Variants in ANKS6 observed in about 807,000 individuals in gnomAD.
ANKS6 encodes ankyrin repeat and SAM domain-containing protein 6.
A neutral mutation model predicts 77.9 loss-of-function variants in ANKS6; 47 were observed. The observed-to-expected ratio is 0.60, with a 90% CI of 0.48 to 0.77. The LOEUF is 0.77. Ranked by LOEUF, ANKS6 falls within the 30% of genes least tolerant of loss-of-function variation. The probability of loss-of-function intolerance (pLI) is 0.00; values close to 1 mark genes in which losing one functional copy is unlikely to be tolerated. For synonymous variants in ANKS6, 488 were observed against 501.7 expected, an observed-to-expected ratio of 0.97 and a Z score of 0.37; for missense variants, 1,150 against 1,159.1, an observed-to-expected ratio of 0.99 and a Z score of 0.11.
intron 11 of ANKS6, among the ~76,000 whole-genome samples, chr9:98,758,318 A>T (rs75785881): frequency 1.3e-3 from 134 of 101,648 alleles, no homozygotes; most frequent in Middle Eastern, 5.1e-3. Context: ...GACATGCGCC[A>T]TCTTTCTTTT....
chr9:98,758,683 T>C (rs1398622244), intron 11 of ANKS6, among the ~76,000 whole-genome samples: 1 of 152,256 alleles, frequency 6.6e-6, no homozygotes, highest in Non-Finnish European at 1.5e-5. Context: ...TTCATACCGA[T>C]ACCTCTGACT....
intron 2 of ANKS6, 108 bp downstream of exon 2, chr9:98,789,996 G>A: frequency 1.4e-6 from 2 of 1,439,658 alleles, no homozygotes; most frequent in Non-Finnish European, 9.3e-7. Context: ...GGTCTGCAGG[G>A]CTGGACTCTG....
At chr9:98,778,554 G>T in intron 6 of ANKS6, 130 bp from the exon 7 acceptor site, 1 of 780,682 alleles carries the variant, frequency 1.3e-6, no homozygotes, top group Non-Finnish European at 2.1e-6. Flanking sequence ...GGCCCAGACA[G>T]ACATTACTGA....
Position 98,784,748 on chromosome 9 carries a change from C to A in ANKS6, c.907+84G>T, listed in dbSNP as rs902291825. The A allele has an allele frequency of 1.1e-5, 14 of 1,270,920 alleles. No homozygotes were observed. In the East Asian group the frequency reaches 3.3e-4, roughly 30 times the overall value. The allele number at this position is 1,270,920 out of a possible 1,614,324, so 78.7% of individuals were successfully genotyped here. A position where few individuals can be genotyped will look rare whatever the true frequency, so the allele number is the denominator to read the frequency against. ...TTTCTTTCTCAAATACCCTGGGTGGCCCTGCAAAGGACTACAAATATTAGG... is the reference window on the plus strand; with the variant it reads ...TTTCTTTCTCAAATACCCTGGGTGGACCTGCAAAGGACTACAAATATTAGG... On this transcript the variant is annotated intron_variant, in intron 3 of 14. Coordinates refer to ENST00000353234, the MANE Select transcript of ANKS6 (RefSeq NM_173551.5).
rs754954186 is a variant in ANKS6 at position 98,773,965 on chromosome 9, C to T, written c.1733G>A (p.Arg578His). 31 of 1,600,566 alleles carry T rather than the reference C, an allele frequency of 1.9e-5. No homozygotes were observed. Among genetic ancestry groups the T allele is most frequent in the Admixed American group, 6.8e-5 (4 of 58,704 alleles). ...ELWSSDRSRT[R>H]HNGKADPMKT... ...CATGGGGTCTGCCTTCCCGTTGTGA[C>T]GCGTCCGGGACCGATCAGAGCTCCA... Residue 578 changes from arginine to histidine, a missense_variant, in exon 9 of 15, where the codon CGT becomes CAT. Physicochemically the swap from Arg to His is conservative, Grantham distance 29. Coordinates refer to ENST00000353234, the MANE Select transcript of ANKS6 (RefSeq NM_173551.5).
chr9:98,768,363 C>G (rs1833422296), intron 10 of ANKS6, 113 bp from the exon 11 acceptor site: 1 of 1,307,738 alleles, frequency 7.6e-7, no homozygotes, highest in African/African-American at 1.4e-5. Context: ...AGACTCCCTT[C>G]CCCATGTGGC....
At chr9:98,752,216 C>T (rs993381767) in intron 12 of ANKS6, among the ~76,000 whole-genome samples, 10 of 152,112 alleles carry the variant, frequency 6.6e-5, no homozygotes, top group Non-Finnish European at 1.0e-4. Context: ...AAGATGGTCA[C>T]GGAAAGACTC....
chr9:98,768,219 G>C lies in ANKS6; in HGVS notation c.2004C>G (p.Ile668Met). The change falls in exon 11 of 15, where the codon ATC becomes ATG. Residue 668 changes from isoleucine to methionine, a missense_variant. Ile to Met is a conservative substitution (Grantham distance 10). Coordinates refer to ENST00000353234, the MANE Select transcript of ANKS6 (RefSeq NM_173551.5). The part of the protein sequence containing the change: ...GGSIDNVLSQ[I>M]AAQRKKAAGL... ...CGGCTGCTTTTTTCCTCTGGGCAGCGATTTGGGACAAGACATTGTCTATGC... is the reference window on the plus strand; with the variant it reads ...CGGCTGCTTTTTTCCTCTGGGCAGCCATTTGGGACAAGACATTGTCTATGC... The C allele has an allele frequency of 1.2e-6, 2 of 1,614,120 alleles. No homozygotes were observed. The highest frequency in any genetic ancestry group is 1.7e-5 in the Admixed American group (1 of 60,022).
chr9:98,771,523 C>T (rs967367542), intron 9 of ANKS6, among the ~76,000 whole-genome samples: 1 of 152,156 alleles, frequency 6.6e-6, no homozygotes, highest in South Asian at 2.1e-4. Flanking sequence ...CTTTCCTGGC[C>T]CCATTGTCCC....
At chr9:98,763,905 T>C (rs1287663460) in intron 11 of ANKS6, among the ~76,000 whole-genome samples, 1 of 152,054 alleles carries the variant, frequency 6.6e-6, no homozygotes, top group African/African-American at 2.4e-5. Context: ...AGATACAAAG[T>C]ACAAAAACTC....
rs575021016 is a variant in ANKS6, at chr9:98,751,114, GA to G, written c.2327-19del. On this transcript the variant is annotated intron_variant, in intron 12 of 14. Coordinates refer to ENST00000353234, the MANE Select transcript of ANKS6 (RefSeq NM_173551.5). ...CAGTTCATCTTCAAGATGGAAAGGT[GA>G]AAAAAAAACAACACATTTTAGAATT... 6.9e-3 allele frequency: 10,709 copies of G among 1,542,004 alleles called. 64 individuals carry two copies. The highest frequency in any genetic ancestry group is 0.022 in the South Asian group (1,857 of 83,314).
In ANKS6 at chr9:98,734,693, G is replaced by A. The variant is rs187652772; in HGVS notation, c.*1826C>T. On this transcript the variant is annotated 3_prime_UTR_variant, in exon 15 of 15. Coordinates refer to ENST00000353234, the MANE Select transcript of ANKS6 (RefSeq NM_173551.5). ...TCCCTCTCCTAAGCATCCGTTTCCC[G>A]AATGTGCAAGATGAGGTTACACAAT... 1.3e-4 allele frequency: 124 copies of A among 930,224 alleles called. No homozygotes were observed. Among genetic ancestry groups the A allele is most frequent in the Admixed American group, 3.1e-4 (5 of 16,204 alleles). The allele number at this position is 930,224 out of a possible 1,614,324, so 57.6% of individuals were successfully genotyped here.
At chr9:98,794,624 G>T (rs1190216710) in intron 1 of ANKS6, among the ~76,000 whole-genome samples, 1 of 152,296 alleles carries the variant, frequency 6.6e-6, no homozygotes, top group African/African-American at 2.4e-5. Context: ...CTATCCTGCA[G>T]AACTTGGTTA....
At chr9:98,778,595 T>C (rs1011478326) in intron 6 of ANKS6, among the ~76,000 whole-genome samples, 171 bp from the exon 7 acceptor site, 4 of 152,150 alleles carry the variant, frequency 2.6e-5, no homozygotes, top group Non-Finnish European at 5.9e-5. Context: ...CAATAAGCCA[T>C]GGTTACTCAC....
chr9:98,736,560 C>A lies in ANKS6; in HGVS notation c.2575G>T (p.Ala859Ser). The change falls in exon 15 of 15, where the codon GCC becomes TCC. Residue 859 changes from alanine (A) to serine (S), a missense_variant. Ala to Ser is a moderately conservative substitution (Grantham distance 99). Coordinates refer to ENST00000353234, the MANE Select transcript of ANKS6 (RefSeq NM_173551.5). ...TTGCCAGGGGCCCTGGTGTTGCTGG[C>A]ACTGCTCTCAAAGGAAGAGTGAAAG... ...HNFHSSFESS[A>S]SNTRAPGNSP... 1 of 1,613,620 alleles carries A rather than the reference C, an allele frequency of 6.2e-7. No homozygotes were observed. Among genetic ancestry groups the A allele is most frequent in the Non-Finnish European group, 8.5e-7 (1 of 1,179,786 alleles).
intron 13 of ANKS6, 68 bp downstream of exon 13, chr9:98,750,961 C>T (rs1170590328): frequency 2.3e-6 from 3 of 1,318,600 alleles, no homozygotes; most frequent in South Asian, 1.3e-5. Flanking sequence ...AAATGAAAAC[C>T]TACACATTTA....
chr9:98,788,867 TCA>T (rs1834726222), intron 2 of ANKS6, among the ~76,000 whole-genome samples: 1 of 152,236 alleles, frequency 6.6e-6, no homozygotes, highest in Admixed American at 6.5e-5. Flanking sequence ...TCTCTGGGCC[TCA>T]GTTTCCCACC....
At chr9:98,763,153 C>G (rs1355947431) in intron 11 of ANKS6, among the ~76,000 whole-genome samples, 1 of 152,028 alleles carries the variant, frequency 6.6e-6, no homozygotes, top group African/African-American at 2.4e-5. Flanking sequence ...CATTTATGGA[C>G]ATTTATAGAA....
chr9:98,749,518 A>G (rs1832317592), intron 13 of ANKS6, among the ~76,000 whole-genome samples: 1 of 152,234 alleles, frequency 6.6e-6, no homozygotes, highest in African/African-American at 2.4e-5. Flanking sequence ...GAACTCGCAG[A>G]CATGCCAGGT....
Sources: allele counts gnomAD v4.1 joint callset (sites outside exome capture counted in the v4.1 genomes callset), GRCh38; gene constraint gnomAD v4.1.1; transcripts MANE v1.5; gene names NCBI Gene and HGNC (gene_info 2026-07-23, HGNC 2026-07-21).